Variants in ST6GALNAC3 observed in about 807,000 individuals in gnomAD.
The protein encoded by ST6GALNAC3 is ST6 N-acetylgalactosaminide alpha-2,6-sialyltransferase 3, also known as alpha-N-acetylgalactosaminide alpha-2,6-sialyltransferase 3.
ST6GALNAC3 carries 25 observed loss-of-function variants against 32.7 expected under a neutral mutation model. That is an observed-to-expected ratio of 0.76 (90% confidence interval 0.56 to 1.07). ST6GALNAC3 has a LOEUF of 1.07. Among genes scored for constraint, ST6GALNAC3 ranks in the 50% least tolerant of loss-of-function variants. The pLI is 0.00. For missense variants in ST6GALNAC3, 355 were observed against 382.4 expected (o/e 0.93, Z 0.60); for synonymous variants, 129 against 133.1 (o/e 0.97, Z 0.21).
chr1:76,529,857 A>G (rs1030187000), intron 3 of ST6GALNAC3, among the ~76,000 whole-genome samples: 4 of 152,152 alleles, frequency 2.6e-5, no homozygotes, highest in Non-Finnish European at 4.4e-5. Flanking sequence ...TTATGCAAAC[A>G]TTGGGGTGGA....
At chr1:76,216,772 A>C (rs539793996) in intron 1 of ST6GALNAC3, among the ~76,000 whole-genome samples, 1 of 152,314 alleles carries the variant, frequency 6.6e-6, no homozygotes, top group South Asian at 2.1e-4. Flanking sequence ...TGCTTTGTGT[A>C]CAGTAAAGGT....
At chr1:76,164,130 A>G (rs977784172) in intron 1 of ST6GALNAC3, among the ~76,000 whole-genome samples, 10 of 152,334 alleles carry the variant, frequency 6.6e-5, no homozygotes, top group African/African-American at 2.4e-4. Context: ...TGTGTAGCTT[A>G]TATCTATGGT....
intron 2 of ST6GALNAC3, among the ~76,000 whole-genome samples, chr1:76,379,593 G>C (rs1426897431): frequency 6.6e-6 from 1 of 152,124 alleles, no homozygotes; most frequent in Non-Finnish European, 1.5e-5. Context: ...AACTGAGCCT[G>C]CACTGGAGGA....
At chr1:76,460,399 A>G (rs780666977) in intron 3 of ST6GALNAC3, among the ~76,000 whole-genome samples, 49 of 152,330 alleles carry the variant, frequency 3.2e-4, no homozygotes, top group Middle Eastern at 6.8e-3. Context: ...TTTATTGGAA[A>G]TCACACAACT....
At chr1:76,353,435 A>G (rs930850292) in intron 2 of ST6GALNAC3, 19 of 151,776 alleles carry the variant, frequency 1.3e-4, no homozygotes, top group African/African-American at 4.4e-4. Context: ...TTGTCAAATC[A>G]TTGTTCGTTT....
chr1:76,585,311 G>C (rs1228527452), intron 3 of ST6GALNAC3, among the ~76,000 whole-genome samples: 1 of 151,810 alleles, frequency 6.6e-6, no homozygotes, highest in Non-Finnish European at 1.5e-5. Flanking sequence ...TCTTGAACTT[G>C]GGCAGTGGAG....
At position 76,116,327 on chromosome 1, in the gene ST6GALNAC3, C is replaced by T. The variant is rs554338550; in HGVS notation, c.18+41443C>T. ...CTATGAGCTAGGAGTGTTCTGCCCA[C>T]TTAAAAAAAGACATGTAGGGGACAC... On this transcript the variant is annotated intron_variant, in intron 1 of 4. Coordinates refer to ENST00000328299, the MANE Select transcript of ST6GALNAC3 (RefSeq NM_152996.4). Among the ~76,000 whole-genome samples the T allele has an allele frequency of 2.6e-5, 4 of 152,230 alleles. No individual in the cohort carries two copies. In the East Asian group the frequency reaches 7.7e-4, roughly 29 times the overall value.
At chr1:76,300,489 G>A (rs1163913424) in intron 1 of ST6GALNAC3, among the ~76,000 whole-genome samples, 2 of 151,940 alleles carry the variant, frequency 1.3e-5, no homozygotes, top group African/African-American at 2.4e-5. Context: ...GGAAACTGAG[G>A]CCTAGAGAGG....
At chr1:76,084,013 G>A (rs993824421) in intron 1 of ST6GALNAC3, among the ~76,000 whole-genome samples, 1 of 152,194 alleles carries the variant, frequency 6.6e-6, no homozygotes, top group African/African-American at 2.4e-5. Flanking sequence ...TTAAAAATGT[G>A]GTTTGTTGGT....
At chr1:76,273,796 C>T (rs187752072) in intron 1 of ST6GALNAC3, among the ~76,000 whole-genome samples, 48 of 152,208 alleles carry the variant, frequency 3.2e-4, no homozygotes, top group East Asian at 1.9e-4. Flanking sequence ...TCTAAATATC[C>T]GCTCGTAAGA....
chr1:76,163,847 C>T (rs529577145), intron 1 of ST6GALNAC3, among the ~76,000 whole-genome samples: 1 of 152,288 alleles, frequency 6.6e-6, no homozygotes, highest in Non-Finnish European at 1.5e-5. Context: ...AAAATCATTC[C>T]TGTGATCCAG....
chr1:76,378,433 G>A (rs757348460), intron 2 of ST6GALNAC3, among the ~76,000 whole-genome samples: 9 of 152,046 alleles, frequency 5.9e-5, no homozygotes, highest in Non-Finnish European at 1.3e-4. Flanking sequence ...AGGCCAAGGT[G>A]GGCAGATCAC....
At chr1:76,580,597 G>A (rs776843838) in intron 3 of ST6GALNAC3, among the ~76,000 whole-genome samples, 1 of 152,096 alleles carries the variant, frequency 6.6e-6, no homozygotes, top group Non-Finnish European at 1.5e-5. Context: ...TAGCCCCTTA[G>A]CCCCAGGTAG....
intron 3 of ST6GALNAC3, among the ~76,000 whole-genome samples, chr1:76,605,711 A>T (rs1647489395): frequency 6.6e-6 from 1 of 151,914 alleles, no homozygotes. Context: ...CTAAAAATAC[A>T]AAAGTTAGCT....
intron 2 of ST6GALNAC3, among the ~76,000 whole-genome samples, chr1:76,345,132 G>A (rs1174892895): frequency 2.0e-5 from 3 of 152,092 alleles, no homozygotes; most frequent in Non-Finnish European, 4.4e-5. Flanking sequence ...CCATGTGTGG[G>A]TGCAGCAAGC....
intron 2 of ST6GALNAC3, among the ~76,000 whole-genome samples, chr1:76,361,484 C>T (rs1649931806): frequency 6.6e-6 from 1 of 152,190 alleles, no homozygotes; most frequent in Admixed American, 6.5e-5. Context: ...TGTCTATAAA[C>T]ATGTGGGTTG....
chr1:76,114,929 A>AAG (rs1553155927), intron 1 of ST6GALNAC3, among the ~76,000 whole-genome samples: 1 of 151,776 alleles, frequency 6.6e-6, no homozygotes, highest in African/African-American at 2.4e-5. Flanking sequence ...AAAAAAAAAA[A>AAG]AAAAAGAAAA....
intron 3 of ST6GALNAC3, among the ~76,000 whole-genome samples, chr1:76,575,992 A>G (rs1411380916): frequency 1.3e-5 from 2 of 152,048 alleles, no homozygotes; most frequent in Non-Finnish European, 2.9e-5. Flanking sequence ...AGCAATTTTC[A>G]TAATTAGGAG....
intron 1 of ST6GALNAC3, among the ~76,000 whole-genome samples, chr1:76,089,497 A>C (rs958663729): frequency 6.6e-6 from 1 of 152,226 alleles, no homozygotes; most frequent in Non-Finnish European, 1.5e-5. Context: ...AAATATGCTA[A>C]AGATATAAGT....
Sources: gnomAD v4.1 joint callset for allele counts (sites outside exome capture counted in the v4.1 genomes callset) on GRCh38, gnomAD v4.1.1 for gene constraint, MANE v1.5 for transcripts, NCBI Gene and HGNC (gene_info 2026-07-23, HGNC 2026-07-21) for gene names.